PACS1: variants seen among roughly 807,000 people sequenced by gnomAD.
The protein encoded by PACS1 is phosphofurin acidic cluster sorting protein 1.
PACS1 carries 24 observed loss-of-function variants against 115.0 expected under a neutral mutation model. The observed-to-expected ratio is 0.21, with a 90% CI of 0.15 to 0.29. The LOEUF is 0.29. Ranked by LOEUF, PACS1 falls within the 10% of genes least tolerant of loss-of-function variation. The pLI is 1.00. For synonymous variants in PACS1, 453 were observed against 504.5 expected (o/e 0.90, Z 1.37); for missense variants, 838 against 1,251.2 (o/e 0.67, Z 4.98).
At chr11:66,216,013 C>T (rs1444313328) in intron 4 of PACS1, 106 bp from the exon 5 acceptor site, 5 of 932,492 alleles carry the variant, frequency 5.4e-6, no homozygotes, top group Admixed American at 4.6e-5. Flanking sequence ...AGGAAGAAAA[C>T]GTATCAGCAG....
At position 66,235,180 on chromosome 11, in the gene PACS1, C is replaced by T. The variant is rs950475207; in HGVS notation, c.2105-121C>T. 1.5e-6 allele frequency: 1 copy of T among 689,140 alleles called. No homozygotes were observed. The highest frequency in any genetic ancestry group is 1.8e-5 in the South Asian group (1 of 56,870). The allele number at this position is 689,140 out of a possible 1,614,324, so 42.7% of individuals were successfully genotyped here. A position where few individuals can be genotyped will look rare whatever the true frequency, so the allele number is the denominator to read the frequency against. On this transcript the variant is annotated intron_variant, in intron 17 of 23. Coordinates refer to ENST00000320580, the MANE Select transcript of PACS1 (RefSeq NM_018026.4). The surrounding 1 kb of genome is among the most constrained non-coding windows in gnomAD (Gnocchi z 5.6). The stretch of plus-strand genomic sequence containing the variant: ...TTCAAACCAGAAGGACCGTAGAGCC[C>T]CATCCTTCACTCAACTCCTAGAGTC...
chr11:66,149,090 CTTT>C lies in PACS1; in HGVS notation c.357-44376_357-44374del, dbSNP rs10717909. Among the ~76,000 whole-genome samples, 1,027 of 98,138 alleles carry C rather than the reference CTTT, an allele frequency of 0.01. 86 individuals are homozygous for C. In the East Asian group the frequency reaches 0.21, roughly 20 times the overall value. The allele number at this position is 98,138 out of a possible 152,430, so 64.4% of individuals were successfully genotyped here. ...GTGAGCATGTGCACATGCACACGCA[CTTT>C]TTTTTTTTTTTTTTTTTTTGAGATA... On this transcript the variant is annotated intron_variant, in intron 1 of 23. Transcript: ENST00000320580.
chr11:66,093,840 A>G, intron 1 of PACS1, among the ~76,000 whole-genome samples: 1 of 152,226 alleles, frequency 6.6e-6, no homozygotes, highest in East Asian at 1.9e-4. Flanking sequence ...CATTATAACA[A>G]ACTGTCTCTC....
At chr11:66,187,974 T>A (rs1854423131) in intron 1 of PACS1, among the ~76,000 whole-genome samples, 1 of 152,172 alleles carries the variant, frequency 6.6e-6, no homozygotes, top group Non-Finnish European at 1.5e-5. Flanking sequence ...CTCCAGCATT[T>A]GTTATTTTTT....
chr11:66,172,597 C>A (rs1304443705), intron 1 of PACS1, among the ~76,000 whole-genome samples: 1 of 152,186 alleles, frequency 6.6e-6, no homozygotes, highest in Non-Finnish European at 1.5e-5. Context: ...GCCCCAGCCA[C>A]CAACTGGATG....
intron 1 of PACS1, among the ~76,000 whole-genome samples, chr11:66,163,350 CAAAAA>C (rs1231541629): frequency 5.2e-5 from 3 of 58,002 alleles, no homozygotes; most frequent in African/African-American, 1.0e-4. Flanking sequence ...GACCCTGTCT[CAAAAA>C]AAAAAAAAAA....
At chr11:66,203,831 C>A (rs1200571487) in intron 2 of PACS1, among the ~76,000 whole-genome samples, 2 of 151,776 alleles carry the variant, frequency 1.3e-5, no homozygotes, top group Admixed American at 6.6e-5. Context: ...ACTGTTGTCT[C>A]TCACTATATA....
chr11:66,150,180 A>G (rs1859205707), intron 1 of PACS1, among the ~76,000 whole-genome samples: 1 of 152,244 alleles, frequency 6.6e-6, no homozygotes, highest in African/African-American at 2.4e-5. Flanking sequence ...TAAAATAGTA[A>G]TTATTCTCTA....
At chr11:66,073,954 T>G (rs1857354946) in intron 1 of PACS1, among the ~76,000 whole-genome samples, 1 of 141,182 alleles carries the variant, frequency 7.1e-6, no homozygotes, top group African/African-American at 2.7e-5. Flanking sequence ...AAAAACAGGG[T>G]CTCACTATGT....
intron 1 of PACS1, among the ~76,000 whole-genome samples, chr11:66,183,615 T>C (rs1256320592): frequency 4.6e-5 from 7 of 152,332 alleles, no homozygotes; most frequent in South Asian, 2.1e-4. Flanking sequence ...AGCCCCAGAA[T>C]TGGGGCTTAG....
At chr11:66,192,256 G>C (rs975404053) in intron 1 of PACS1, among the ~76,000 whole-genome samples, 1 of 152,198 alleles carries the variant, frequency 6.6e-6, no homozygotes, top group East Asian at 1.9e-4. Flanking sequence ...GTTGGGGAGA[G>C]AGCGGTGGAG....
At chr11:66,165,906 T>G (rs1277620386) in intron 1 of PACS1, among the ~76,000 whole-genome samples, 1 of 152,098 alleles carries the variant, frequency 6.6e-6, no homozygotes, top group Non-Finnish European at 1.5e-5. Flanking sequence ...TTACTACTGC[T>G]TCAGAACAAA....
chr11:66,116,424 G>T (rs1246141260), intron 1 of PACS1, among the ~76,000 whole-genome samples: 4 of 152,222 alleles, frequency 2.6e-5, no homozygotes, highest in Non-Finnish European at 5.9e-5. Context: ...TCCTAAGGTT[G>T]TGAGAACCTA....
chr11:66,209,020 T>C (rs17147409), intron 2 of PACS1, among the ~76,000 whole-genome samples: 4,115 of 152,290 alleles, frequency 0.027, 177 homozygotes, highest in African/African-American at 0.093. Context: ...CTGGGAATCA[T>C]ACTGAACAAG....
intron 7 of PACS1, chr11:66,217,017 G>A: frequency 1.9e-6 from 1 of 514,502 alleles, no homozygotes; most frequent in South Asian, 2.3e-5. Context: ...AAAAGGAGGA[G>A]AACCCTTCTT....
At chr11:66,174,414 A>G (rs984000698) in intron 1 of PACS1, among the ~76,000 whole-genome samples, 9 of 152,214 alleles carry the variant, frequency 5.9e-5, no homozygotes, top group African/African-American at 2.2e-4. Context: ...CTGCAATTCC[A>G]GTGGTAAATA....
intron 8 of PACS1, chr11:66,220,417 A>C (rs897958073): frequency 4.9e-5 from 28 of 567,674 alleles, no homozygotes; most frequent in Admixed American, 9.1e-5. Flanking sequence ...CACAGTGTGG[A>C]GCGGTGGCAG....
At chr11:66,180,888 G>A (rs966913618) in intron 1 of PACS1, among the ~76,000 whole-genome samples, 2 of 151,634 alleles carry the variant, frequency 1.3e-5, no homozygotes, top group Admixed American at 1.3e-4. Flanking sequence ...CAAACCCCTG[G>A]GCTCAAGTGA....
Position 66,219,820 on chromosome 11 carries a change from T to A in PACS1, c.1038+15T>A, listed in dbSNP as rs565748705. On this transcript the variant is annotated intron_variant, in intron 8 of 23. Coordinates refer to ENST00000320580, the MANE Select transcript of PACS1 (RefSeq NM_018026.4). ...TTTCAGATGAGGTATGGCCTCTTAC[T>A]CCCAAGGTTAATGGTGAGTAGAATT... 11 of 1,591,026 alleles carry A rather than the reference T, an allele frequency of 6.9e-6. No individual in the cohort carries two copies. In the African/African-American group the frequency reaches 1.2e-4, roughly 17 times the overall value.
Sources: allele counts gnomAD v4.1 joint callset (sites outside exome capture counted in the v4.1 genomes callset), GRCh38; gene constraint gnomAD v4.1.1; non-coding constraint Gnocchi (gnomAD v3.1); transcripts MANE v1.5; gene names NCBI Gene and HGNC (gene_info 2026-07-23, HGNC 2026-07-21).